The following SBF2 variants were observed in gnomAD, a reference collection of about 807,000 sequenced individuals.
SBF2 encodes SET binding factor 2, also known as myotubularin-related protein 13.
A neutral mutation model predicts 225.2 loss-of-function variants in SBF2; 112 were observed. The observed-to-expected ratio is 0.50, with a 90% CI of 0.43 to 0.58. SBF2 has a LOEUF of 0.58. Among genes scored for constraint, SBF2 ranks in the 20% least tolerant of loss-of-function variants. The pLI, the probability that SBF2 is intolerant of heterozygous loss-of-function variation, is 0.00. For missense variants in SBF2, 1,996 were observed against 2,206.2 expected (o/e 0.90, Z 1.91); for synonymous variants, 763 against 773.3 (o/e 0.99, Z 0.22).
chr11:10,274,525 C>T (rs768931172), intron 1 of SBF2, among the ~76,000 whole-genome samples: 3 of 152,118 alleles, frequency 2.0e-5, no homozygotes, highest in African/African-American at 2.4e-5. Flanking sequence ...CCGAGGCAGA[C>T]GGATCACCTG....
intron 1 of SBF2, among the ~76,000 whole-genome samples, chr11:10,211,981 T>C (rs1238229660): frequency 6.6e-6 from 1 of 152,178 alleles, no homozygotes; most frequent in Non-Finnish European, 1.5e-5. Flanking sequence ...CTCCAAAATG[T>C]ATCTATCTTC....
rs137893802 is a variant in SBF2, at chr11:10,102,998, T to C, written c.142-60017A>G. ...TGTAATATTGAGAGACAATGAAAGA[T>C]TTTTGCTTGCCTTTTGAGTAAACTA... On this transcript the variant is annotated intron_variant, in intron 2 of 39. Transcript: ENST00000256190. Among the ~76,000 whole-genome samples the C allele has an allele frequency of 3.3e-4, 51 of 152,308 alleles. No individual in the cohort carries two copies. The East Asian group carries it at 9.4e-3, about 28-fold the overall frequency.
At chr11:10,027,517 T>C (rs1398178196) in intron 6 of SBF2, among the ~76,000 whole-genome samples, 1 of 152,060 alleles carries the variant, frequency 6.6e-6, no homozygotes, top group African/African-American at 2.4e-5. Context: ...AAATTAAGAA[T>C]TCCATGAAGA....
chr11:9,910,890 CAA>C (rs68011518), intron 16 of SBF2, among the ~76,000 whole-genome samples: 7 of 93,588 alleles, frequency 7.5e-5, no homozygotes, highest in Non-Finnish European at 1.0e-4. Flanking sequence ...TACTAAAATA[CAA>C]AAAAAAAAAA....
At chr11:9,792,662 A>C (rs868088952) in intron 33 of SBF2, among the ~76,000 whole-genome samples, 2 of 152,174 alleles carry the variant, frequency 1.3e-5, no homozygotes, top group Middle Eastern at 3.2e-3. Context: ...GATGTTGATT[A>C]GGTGGGTGGC....
At chr11:10,057,271 C>G (rs1040545021) in intron 2 of SBF2, among the ~76,000 whole-genome samples, 3 of 152,190 alleles carry the variant, frequency 2.0e-5, no homozygotes, top group Non-Finnish European at 1.5e-5. Flanking sequence ...CACCCCCTGC[C>G]AGAACTATCA....
intron 28 of SBF2, among the ~76,000 whole-genome samples, chr11:9,822,291 C>G (rs996646860): frequency 1.4e-5 from 2 of 140,186 alleles, no homozygotes; most frequent in Admixed American, 1.5e-4. Flanking sequence ...GACGGAGTCT[C>G]GCTCTGTCAC....
At chr11:9,973,120 C>G (rs1946534622) in intron 13 of SBF2, among the ~76,000 whole-genome samples, 1 of 152,198 alleles carries the variant, frequency 6.6e-6, no homozygotes, top group Non-Finnish European at 1.5e-5. Flanking sequence ...CATTTGCTAC[C>G]TTGAACCTAA....
intron 29 of SBF2, among the ~76,000 whole-genome samples, chr11:9,815,574 C>T (rs563696805): frequency 6.6e-6 from 1 of 152,050 alleles, no homozygotes; most frequent in East Asian, 1.9e-4. Context: ...TACTCAAATA[C>T]GTATGATCAC....
At chr11:9,796,563 G>A (rs1182296390) in intron 32 of SBF2, among the ~76,000 whole-genome samples, 2 of 152,190 alleles carry the variant, frequency 1.3e-5, no homozygotes, top group Non-Finnish European at 2.9e-5. Flanking sequence ...GTGTGTGTCT[G>A]AAGGCAATCC....
At chr11:10,090,764 C>CAAAAAAAAAAA (rs201577494) in intron 2 of SBF2, among the ~76,000 whole-genome samples, 1,960 of 44,328 alleles carry the variant, frequency 0.044, 283 homozygotes, top group Non-Finnish European at 0.071. Context: ...GATTCCATCT[C>CAAAAAAAAAAA]AAAAAAAAAA....
intron 1 of SBF2, among the ~76,000 whole-genome samples, chr11:10,222,066 G>C (rs548061410): frequency 2.7e-4 from 41 of 152,312 alleles, no homozygotes; most frequent in Admixed American, 5.9e-4. Context: ...ACTGCAAGCA[G>C]TCCAGGTAGA....
intron 32 of SBF2, among the ~76,000 whole-genome samples, chr11:9,800,675 G>A (rs1853438876): frequency 6.6e-6 from 1 of 152,014 alleles, no homozygotes; most frequent in African/African-American, 2.4e-5. Context: ...CCAAAGTGCT[G>A]GGATTACAGG....
intron 1 of SBF2, among the ~76,000 whole-genome samples, chr11:10,227,624 A>T (rs879733194): frequency 3.3e-5 from 5 of 152,262 alleles, no homozygotes; most frequent in Non-Finnish European, 7.4e-5. Flanking sequence ...CAAAGATCAG[A>T]TAGTTGTAGA....
chr11:9,894,131 C>G (rs1179648939), intron 17 of SBF2, among the ~76,000 whole-genome samples: 1 of 152,114 alleles, frequency 6.6e-6, no homozygotes, highest in Non-Finnish European at 1.5e-5. Context: ...CCTGTAATTG[C>G]AGCACTTTGG....
intron 2 of SBF2, among the ~76,000 whole-genome samples, chr11:10,065,193 GAA>G (rs1253796447): frequency 1.3e-5 from 2 of 151,688 alleles, no homozygotes; most frequent in Non-Finnish European, 2.9e-5. Flanking sequence ...GAAGTCAAAA[GAA>G]AAAATGGAAA....
chr11:9,803,624 G>A (rs1415668879), intron 32 of SBF2, among the ~76,000 whole-genome samples: 2 of 152,086 alleles, frequency 1.3e-5, no homozygotes, highest in African/African-American at 2.4e-5. Flanking sequence ...GGATTATTTC[G>A]CTGACCCTAA....
intron 2 of SBF2, among the ~76,000 whole-genome samples, chr11:10,179,699 T>G (rs541194175): frequency 6.6e-6 from 1 of 152,310 alleles, no homozygotes; most frequent in Non-Finnish European, 1.5e-5. Context: ...GGTGCTCCAG[T>G]GTTGGATGCA....
intron 16 of SBF2, among the ~76,000 whole-genome samples, chr11:9,951,749 G>A (rs1208308067): frequency 6.6e-6 from 1 of 152,128 alleles, no homozygotes; most frequent in Non-Finnish European, 1.5e-5. Context: ...AGAAGGAAGA[G>A]GACAGGACAA....
Sources: gnomAD v4.1 joint callset for allele counts (sites outside exome capture counted in the v4.1 genomes callset) on GRCh38, gnomAD v4.1.1 for gene constraint, MANE v1.5 for transcripts, NCBI Gene and HGNC (gene_info 2026-07-23, HGNC 2026-07-21) for gene names.